Variants in ZNF514 observed in about 807,000 individuals in gnomAD.
The protein encoded by ZNF514 is zinc finger protein 514.
In ZNF514, 12 loss-of-function variants were observed where a neutral mutation model predicts 9.7. That is an observed-to-expected ratio of 1.24 (90% CI 0.79 to 2.01). The LOEUF is 2.01. Ranked by LOEUF, ZNF514 falls within the 30% of genes most tolerant of loss-of-function variation. The probability of loss-of-function intolerance (pLI) is 0.00; values close to 1 mark genes in which losing one functional copy is unlikely to be tolerated. For synonymous variants in ZNF514, 158 were observed against 163.7 expected, an observed-to-expected ratio of 0.97 and a Z score of 0.27; for missense variants, 467 against 465.5, an observed-to-expected ratio of 1.00 and a Z score of -0.03.
chr2:95,127,564 GTTTTGTTTTTGT>G, the ZNF514 span, among the ~76,000 whole-genome samples: 1 of 150,516 alleles, frequency 6.6e-6, no homozygotes, highest in African/African-American at 2.4e-5. Flanking sequence ...TTTTTTGGTT[GTTTTGTTTTTGT>G]TTTTGTTTTT....
intron 2 of ZNF514, chr2:95,154,776 A>G (rs1673646086): frequency 6.6e-6 from 1 of 152,232 alleles, no homozygotes; most frequent in Admixed American, 6.5e-5. Flanking sequence ...GGCCAAAGAC[A>G]ATATACATCA....
chr2:95,138,053 A>C, the ZNF514 span, among the ~76,000 whole-genome samples: 1 of 152,226 alleles, frequency 6.6e-6, no homozygotes, highest in African/African-American at 2.4e-5. Context: ...TCCTGAGCCC[A>C]TACCCAGAAG....
chr2:95,157,240 G>C (rs1169896172), intron 2 of ZNF514, 111 bp downstream of exon 2: 2 of 591,476 alleles, frequency 3.4e-6, no homozygotes, highest in African/African-American at 1.9e-5. Context: ...CTCCTGCAGA[G>C]ACAGCATTGG....
chr2:95,138,609 A>G, the ZNF514 span, among the ~76,000 whole-genome samples: 5 of 152,292 alleles, frequency 3.3e-5, no homozygotes, highest in South Asian at 1.0e-3. Context: ...CTAATAACCT[A>G]CGCTCAGATG....
At chr2:95,138,388 G>A in the ZNF514 span, among the ~76,000 whole-genome samples, 3 of 152,204 alleles carry the variant, frequency 2.0e-5, no homozygotes, top group Admixed American at 1.3e-4. Context: ...TATGGACAGT[G>A]AAGTCCATGC....
Position 95,157,369 on chromosome 2 carries a change from G to A in ZNF514, c.-25C>T. On this transcript the variant is annotated 5_prime_UTR_variant, in exon 2 of 5. Transcript: ENST00000295208. Reference sequence around the variant, plus strand: ...AACTCACCCGAGGCCTGGCTTTCAGGAATGAATTGGTTGTTCCCTCTTCTC... The same window carrying A: ...AACTCACCCGAGGCCTGGCTTTCAGAAATGAATTGGTTGTTCCCTCTTCTC... 7.8e-7 allele frequency: 1 copy of A among 1,289,712 alleles called. No homozygotes were observed. The highest frequency in any genetic ancestry group is 1.0e-6 in the Non-Finnish European group (1 of 988,776). 79.9% of individuals were successfully genotyped at this position (1,289,712 alleles called of 1,614,324 possible). A position where few individuals can be genotyped will look rare whatever the true frequency, so the allele number is the denominator to read the frequency against.
chr2:95,124,361 C>A, the ZNF514 span, among the ~76,000 whole-genome samples: 1 of 152,138 alleles, frequency 6.6e-6, no homozygotes, highest in South Asian at 2.1e-4. Context: ...GACGTCTATC[C>A]AAGTAGTTCC....
the ZNF514 span, among the ~76,000 whole-genome samples, chr2:95,129,199 TA>T: frequency 6.6e-6 from 1 of 152,204 alleles, no homozygotes; most frequent in Non-Finnish European, 1.5e-5. Context: ...CTCAGTGAAA[TA>T]AGCATAATTG....
At chr2:95,131,422 T>C in the ZNF514 span, among the ~76,000 whole-genome samples, 109 of 152,330 alleles carry the variant, frequency 7.2e-4, no homozygotes, top group Admixed American at 4.4e-3. Flanking sequence ...TCCCTCTTAA[T>C]ACTACAAAGC....
At chr2:95,155,488 T>C (rs572714182) in intron 2 of ZNF514, 1 of 152,328 alleles carries the variant, frequency 6.6e-6, no homozygotes, top group South Asian at 2.1e-4. Flanking sequence ...ATATTGGATA[T>C]ATGGATTCAG....
At chr2:95,151,673 C>A (rs1673549998) in intron 4 of ZNF514, among the ~76,000 whole-genome samples, 1 of 152,158 alleles carries the variant, frequency 6.6e-6, no homozygotes, top group African/African-American at 2.4e-5. Flanking sequence ...ACTGGTAATG[C>A]CTAACCAGTG....
At chr2:95,127,149 G>A in the ZNF514 span, among the ~76,000 whole-genome samples, 2 of 152,346 alleles carry the variant, frequency 1.3e-5, no homozygotes, top group East Asian at 3.9e-4. Flanking sequence ...TTTGGGGAAG[G>A]CTGAAAGGAA....
At chr2:95,132,171 CAG>C in the ZNF514 span, among the ~76,000 whole-genome samples, 4 of 98,794 alleles carry the variant, frequency 4.0e-5, no homozygotes, top group East Asian at 3.1e-4. Flanking sequence ...AAAAAAAAAA[CAG>C]AGAGAGAAAA....
intron 2 of ZNF514, chr2:95,153,755 C>G (rs1673608593): frequency 6.6e-6 from 1 of 152,622 alleles, no homozygotes; most frequent in Non-Finnish European, 1.5e-5. Context: ...ACCCTGGATC[C>G]CAGGTCACCA....
the ZNF514 span, among the ~76,000 whole-genome samples, chr2:95,124,183 G>A: frequency 6.6e-6 from 1 of 152,124 alleles, no homozygotes; most frequent in South Asian, 2.1e-4. Flanking sequence ...CTCCCTTCGA[G>A]TCAAACCCAC....
downstream of ZNF514, among the ~76,000 whole-genome samples, chr2:95,141,639 A>AT (rs750794234): frequency 9.2e-5 from 14 of 152,180 alleles, no homozygotes; most frequent in Middle Eastern, 3.2e-3. Context: ...AAATCATAAG[A>AT]TTTTGTCTAC....
intron 4 of ZNF514, 25 bp downstream of exon 4, chr2:95,152,649 G>A (rs1673574457): frequency 1.2e-6 from 2 of 1,600,342 alleles, no homozygotes; most frequent in South Asian, 1.1e-5. Flanking sequence ...CTTATCATAT[G>A]CAATGCTTTC....
intron 1 of ZNF514, among the ~76,000 whole-genome samples, chr2:95,157,884 C>T (rs1673729846): frequency 6.6e-6 from 1 of 152,198 alleles, no homozygotes; most frequent in Non-Finnish European, 1.5e-5. Flanking sequence ...ACACCTCTCC[C>T]CTCATCCTTG....
the ZNF514 span, among the ~76,000 whole-genome samples, chr2:95,136,062 C>G: frequency 6.6e-6 from 1 of 151,560 alleles, no homozygotes; most frequent in African/African-American, 2.4e-5. Flanking sequence ...GACTCCATCT[C>G]AAAAAAATAA....
Sources: gnomAD v4.1 joint callset for allele counts (sites outside exome capture counted in the v4.1 genomes callset) on GRCh38, gnomAD v4.1.1 for gene constraint, MANE v1.5 for transcripts, NCBI Gene and HGNC (gene_info 2026-07-23, HGNC 2026-07-21) for gene names.